The following RBL2 variants were observed in gnomAD, a reference collection of about 807,000 sequenced individuals.
RBL2 encodes RB transcriptional corepressor like 2.
Under a neutral mutation model 126.0 loss-of-function variants are expected in RBL2, and 56 were observed. The ratio of observed to expected loss-of-function variants is 0.44; its 90% CI spans 0.36 to 0.56. The LOEUF (loss-of-function observed/expected upper bound fraction) is 0.56, where lower values mean the gene tolerates loss of function less well. Ranked by LOEUF, RBL2 falls within the 20% of genes least tolerant of loss-of-function variation. The probability of loss-of-function intolerance (pLI) is 0.00; values close to 1 mark genes in which losing one functional copy is unlikely to be tolerated. For synonymous variants in RBL2, 454 were observed against 478.5 expected (o/e 0.95, Z 0.67); for missense variants, 1,229 against 1,398.2 (o/e 0.88, Z 1.93).
At chr16:53,453,825 TC>T in intron 7 of RBL2, 56 bp downstream of exon 7, 4 of 1,408,478 alleles carry the variant, frequency 2.8e-6, no homozygotes, top group Non-Finnish European at 3.9e-6. Flanking sequence ...TTAGGAAACT[TC>T]AGAAGTTAGT....
In RBL2 at chr16:53,470,435, T is replaced by TG; in HGVS notation, c.2304dup (p.Gln769AlafsTer59). On this transcript the variant is annotated frameshift_variant, in exon 16 of 22. Transcript: ENST00000262133. LOFTEE classifies it high-confidence loss of function. Reference sequence around the variant, plus strand: ...CATTCTTCCCTGTCCAAGTCAATGTTGGGGGGCAGGCACAAGCTGTGACAG... The same window carrying TG: ...CATTCTTCCCTGTCCAAGTCAATGTTGGGGGGGCAGGCACAAGCTGTGACAG... 6.2e-7 allele frequency: 1 copy of TG among 1,614,116 alleles called. No individual in the cohort carries two copies.
Position 53,480,688 on chromosome 16 carries a change from G to A in RBL2, c.3003G>A (p.Glu1001=). Residue 1001 remains glutamate (E), a synonymous_variant, in exon 20 of 22, where the codon GAG becomes GAA. Transcript: ENST00000262133. The stretch of plus-strand genomic sequence containing the variant: ...CCAACAGTGACATGGAAGAAGAGGA[G>A]AGGGGAGACCTCATTCAGTTCTACA... ...TGANSDMEEE[E]RGDLIQFYNN... is the part of the protein sequence containing the mutation. 6.2e-7 allele frequency: 1 copy of A among 1,613,840 alleles called. No individual in the cohort carries two copies. The highest frequency in any genetic ancestry group is 8.5e-7 in the Non-Finnish European group (1 of 1,180,000).
At chr16:53,463,080 G>A (rs1180122080) in intron 11 of RBL2, among the ~76,000 whole-genome samples, 2 of 152,146 alleles carry the variant, frequency 1.3e-5, no homozygotes, top group Non-Finnish European at 2.9e-5. Flanking sequence ...ACGTCAGGTG[G>A]TCCGCATGCC....
At chr16:53,487,104 T>C (rs567193185) in intron 21 of RBL2, among the ~76,000 whole-genome samples, 1 of 152,320 alleles carries the variant, frequency 6.6e-6, no homozygotes, top group Admixed American at 6.5e-5. Context: ...TAGTTTCCAA[T>C]TCATGGAAAA....
intron 15 of RBL2, 76 bp from the exon 16 acceptor site, chr16:53,470,307 G>C: frequency 6.4e-7 from 1 of 1,567,714 alleles, no homozygotes; most frequent in Non-Finnish European, 8.7e-7. Flanking sequence ...GTTTGGGAGA[G>C]CAGAAATTGT....
At chr16:53,463,473 C>T (rs1285280264) in intron 11 of RBL2, among the ~76,000 whole-genome samples, 1 of 151,484 alleles carries the variant, frequency 6.6e-6, no homozygotes, top group Non-Finnish European at 1.5e-5. Flanking sequence ...AACTCTGGAC[C>T]TCAGGTGATC....
intron 4 of RBL2, among the ~76,000 whole-genome samples, chr16:53,447,803 C>T (rs2058076787): frequency 6.6e-6 from 1 of 152,086 alleles, no homozygotes; most frequent in South Asian, 2.1e-4. Context: ...CACCACCATG[C>T]CCAGCTAATT....
chr16:53,487,543 AAATG>A (rs907734750), intron 21 of RBL2: 3 of 152,246 alleles, frequency 2.0e-5, no homozygotes, highest in Admixed American at 2.0e-4. Flanking sequence ...CAAAAACTAA[AAATG>A]AACCACAGAC....
intron 5 of RBL2, among the ~76,000 whole-genome samples, chr16:53,452,285 AATG>A (rs1357737504): frequency 6.6e-6 from 1 of 152,244 alleles, no homozygotes; most frequent in African/African-American, 2.4e-5. Context: ...GATATATGGA[AATG>A]ATGATTTTGG....
At chr16:53,456,232 CA>C (rs995381314) in intron 8 of RBL2, among the ~76,000 whole-genome samples, 3 of 151,978 alleles carry the variant, frequency 2.0e-5, no homozygotes, top group Admixed American at 1.3e-4. Context: ...ACAAGAGAGC[CA>C]GACAGACCGT....
rs901085015 is a variant in RBL2, at chr16:53,471,047, T to C, written c.2703+125T>C. On this transcript the variant is annotated intron_variant, in intron 17 of 21. Transcript: ENST00000262133. ...CACCTATTTAAAATGCACAACTAAA[T>C]GGGTCTTAGTATATTCACAGATATG... 1.1e-5 allele frequency: 11 copies of C among 968,890 alleles called. No individual in the cohort carries two copies. In the Admixed American group the frequency reaches 3.0e-4, roughly 26 times the overall value. 60.0% of individuals were successfully genotyped at this position (968,890 alleles called of 1,614,324 possible).
chr16:53,478,902 G>C (rs1475707797), intron 17 of RBL2: 1 of 410,788 alleles, frequency 2.4e-6, no homozygotes, highest in Non-Finnish European at 4.4e-6. Context: ...GATTACAGGT[G>C]TGAACCACCG....
At chr16:53,479,072 C>T in intron 17 of RBL2, 82 bp from the exon 18 acceptor site, 1 of 1,107,780 alleles carries the variant, frequency 9.0e-7, no homozygotes, top group East Asian at 2.4e-5. Context: ...ACCCCTTTTA[C>T]TGGGCAGCAG....
intron 18 of RBL2, chr16:53,479,542 G>T: frequency 4.3e-6 from 2 of 460,744 alleles, no homozygotes; most frequent in Non-Finnish European, 7.7e-6. Context: ...TTAACCAACA[G>T]AATGTCACAT....
At chr16:53,453,024 A>C (rs1198183809) in intron 5 of RBL2, among the ~76,000 whole-genome samples, 1 of 152,146 alleles carries the variant, frequency 6.6e-6, no homozygotes, top group East Asian at 1.9e-4. Context: ...TAGGGCAAGA[A>C]TAAATTGTAA....
intron 2 of RBL2, 117 bp downstream of exon 2, chr16:53,439,263 G>A (rs2057991162): frequency 1.1e-6 from 1 of 884,292 alleles, no homozygotes; most frequent in Admixed American, 3.3e-5. Flanking sequence ...GTGGACTGGT[G>A]AAATTAGATG....
At position 53,439,022 on chromosome 16, in the gene RBL2, G is replaced by A. The variant is rs372989712; in HGVS notation, c.247G>A (p.Asp83Asn). 61 of 1,571,044 alleles carry A rather than the reference G, an allele frequency of 3.9e-5. No individual in the cohort carries two copies. In the African/African-American group the frequency reaches 5.6e-4, roughly 14 times the overall value. The stretch of plus-strand genomic sequence containing the variant: ...ATTTTCTTTTCTTTTACAGGGAAAT[G>A]ATCTTCATTGGTTAGCATGTGCCTT... The part of the protein sequence containing the change: ...MSESYTLEGN[D>N]LHWLACALYV... Residue 83 changes from aspartate (D) to asparagine (N), a missense_variant, in exon 2 of 22, where the codon GAT becomes AAT. Around this residue, in one of 2 missense-constraint regions of RBL2, gnomAD observed 159 missense variants for 123.9 expected, o/e 1.28. Coordinates refer to ENST00000262133, the MANE Select transcript of RBL2 (RefSeq NM_005611.4).
Position 53,447,037 on chromosome 16 carries a change from C to CA in RBL2, c.573-2dup. ...CTCATGACTTTTTTTTTTCTTCCCCCAAAGGCGACAGCCCTGTACTGTGTC... is the reference window on the plus strand; with the variant it reads ...CTCATGACTTTTTTTTTTCTTCCCCCAAAAGGCGACAGCCCTGTACTGTGTC... On this transcript the variant is annotated splice_region_variant and splice_polypyrimidine_tract_variant and intron_variant, in intron 3 of 21. Transcript: ENST00000262133. 2 of 1,502,540 alleles carry CA rather than the reference C, an allele frequency of 1.3e-6. No individual in the cohort carries two copies. Among genetic ancestry groups the CA allele is most frequent in the Non-Finnish European group, 1.8e-6 (2 of 1,129,944 alleles). The allele number at this position is 1,502,540 out of a possible 1,614,324, so 93.1% of individuals were successfully genotyped here. A position where few individuals can be genotyped will look rare whatever the true frequency, so the allele number is the denominator to read the frequency against.
At chr16:53,437,353 T>C (rs1567723877) in intron 1 of RBL2, among the ~76,000 whole-genome samples, 1 of 151,866 alleles carries the variant, frequency 6.6e-6, no homozygotes, top group African/African-American at 2.4e-5. Context: ...TTGATACATA[T>C]AAGTGGGTTT....
Sources: gnomAD v4.1 joint callset for allele counts (sites outside exome capture counted in the v4.1 genomes callset) on GRCh38, gnomAD v4.1.1 for gene constraint, gnomAD v4.1.1 regional missense constraint, MANE v1.5 for transcripts, NCBI Gene and HGNC (gene_info 2026-07-23, HGNC 2026-07-21) for gene names.